Variants in LTBP1 observed in about 807,000 individuals in gnomAD.
LTBP1 encodes latent transforming growth factor beta binding protein 1, also known as latent-transforming growth factor beta-binding protein 1.
Under a neutral mutation model 207.6 loss-of-function variants are expected in LTBP1, and 129 were observed. The observed-to-expected ratio is 0.62, with a 90% confidence interval of 0.54 to 0.72. The LOEUF is 0.72. LTBP1 is among the 30% of genes least tolerant of loss of function. The pLI, the probability that LTBP1 is intolerant of heterozygous loss-of-function variation, is 0.00. For missense variants in LTBP1, 2,281 were observed against 2,217.2 expected, an observed-to-expected ratio of 1.03 and a Z score of -0.58; for synonymous variants, 963 against 833.7, an observed-to-expected ratio of 1.16 and a Z score of -2.67.
At chr2:33,335,055 C>T (rs975607859) in intron 24 of LTBP1, among the ~76,000 whole-genome samples, 1 of 151,766 alleles carries the variant, frequency 6.6e-6, no homozygotes, top group Non-Finnish European at 1.5e-5. Flanking sequence ...CCATGGCACT[C>T]TCTCTCACAG....
At chr2:33,254,389 T>G (rs1195098157) in intron 11 of LTBP1, among the ~76,000 whole-genome samples, 1 of 152,076 alleles carries the variant, frequency 6.6e-6, no homozygotes, top group Non-Finnish European at 1.5e-5. Context: ...AATCCTTACA[T>G]GAAGCATAAA....
At chr2:33,365,698 G>A (rs1168111697) in intron 31 of LTBP1, among the ~76,000 whole-genome samples, 195 bp downstream of exon 31, 6 of 151,272 alleles carry the variant, frequency 4.0e-5, no homozygotes, top group South Asian at 2.1e-4. Context: ...CTCTACTCCC[G>A]ACCCTGTCGT....
intron 7 of LTBP1, among the ~76,000 whole-genome samples, chr2:33,206,462 C>G (rs62146726): frequency 0.42 from 63,261 of 151,742 alleles, 13,956 homozygotes; most frequent in Non-Finnish European, 0.49. Flanking sequence ...CATTGGAGGC[C>G]AGGCACAGTG....
intron 15 of LTBP1, among the ~76,000 whole-genome samples, chr2:33,271,339 T>G (rs761809664): frequency 1.3e-5 from 2 of 152,122 alleles, no homozygotes; most frequent in Non-Finnish European, 2.9e-5. Context: ...TCTTTCTGCT[T>G]TATGAAAATG....
At chr2:33,329,551 C>T (rs926616727) in intron 24 of LTBP1, among the ~76,000 whole-genome samples, 4 of 152,028 alleles carry the variant, frequency 2.6e-5, no homozygotes, top group African/African-American at 9.7e-5. Flanking sequence ...TGTAAGGCCC[C>T]TGAAGTTTTT....
At chr2:32,970,569 C>T (rs1457375809) in intron 2 of LTBP1, among the ~76,000 whole-genome samples, 7 of 151,814 alleles carry the variant, frequency 4.6e-5, no homozygotes, top group Non-Finnish European at 8.8e-5. Flanking sequence ...AGATGGTGGT[C>T]GGTGTGTGGC....
chr2:33,273,165 T>G (rs2093356728), intron 15 of LTBP1, among the ~76,000 whole-genome samples: 1 of 152,146 alleles, frequency 6.6e-6, no homozygotes, highest in African/African-American at 2.4e-5. Flanking sequence ...GGGGGATTAA[T>G]GATAAATTTT....
intron 19 of LTBP1, among the ~76,000 whole-genome samples, chr2:33,286,616 T>G (rs1422906309): frequency 6.6e-6 from 1 of 152,346 alleles, no homozygotes; most frequent in East Asian, 1.9e-4. Context: ...ACTAAGCTAT[T>G]TATTGAGCTG....
chr2:33,382,287 G>T (rs2095225238), intron 31 of LTBP1, among the ~76,000 whole-genome samples: 2 of 151,616 alleles, frequency 1.3e-5, no homozygotes, highest in African/African-American at 2.4e-5. Context: ...TAGAGACGGG[G>T]TTTCACCATA....
chr2:33,136,388 A>C (rs564713092), intron 5 of LTBP1, among the ~76,000 whole-genome samples: 1 of 152,330 alleles, frequency 6.6e-6, no homozygotes, highest in East Asian at 1.9e-4. Flanking sequence ...AGTTTTTCTC[A>C]TTCATAAAAT....
intron 23 of LTBP1, among the ~76,000 whole-genome samples, chr2:33,313,230 T>C (rs1172805793): frequency 6.6e-6 from 1 of 152,238 alleles, no homozygotes; most frequent in African/African-American, 2.4e-5. Context: ...TAAGAAAGTA[T>C]GAGTAATTCC....
In LTBP1 at chr2:33,163,144, G is replaced by C. The variant is rs540156357; in HGVS notation, c.1202-23712G>C. On this transcript the variant is annotated intron_variant, in intron 5 of 33. Coordinates refer to ENST00000404816, the MANE Select transcript of LTBP1 (RefSeq NM_206943.4). ...CTACAGGTGCATGCCACCACGCCTG[G>C]CTAATTGTATTTTTTATAGAAACAG... Among the ~76,000 whole-genome samples, 4 of 152,254 alleles carry C rather than the reference G, an allele frequency of 2.6e-5. No individual in the cohort carries two copies. In the South Asian group the frequency reaches 8.3e-4, roughly 32 times the overall value.
At position 32,947,518 on chromosome 2, in the gene LTBP1, G is replaced by A. The variant is rs984669773; in HGVS notation, c.194G>A (p.Ser65Asn). Reference protein sequence around the residue: ...NVALNARYSRSSAAAGAPSRA... With the variant: ...NVALNARYSRNSAAAGAPSRA... Reference sequence around the variant, plus strand: ...GCGCTCAACGCCAGGTACAGCCGCAGCTCGGCGGCTGCCGGCGCCCCCAGC... The same window carrying A: ...GCGCTCAACGCCAGGTACAGCCGCAACTCGGCGGCTGCCGGCGCCCCCAGC... Residue 65 changes from serine (S) to asparagine (N), a missense_variant, in exon 1 of 34, where the codon AGC becomes AAC. Physicochemically the swap from Ser to Asn is conservative, Grantham distance 46 (BLOSUM62 1). This residue lies in a region of LTBP1 where 555 missense variants were observed against 491.0 expected (regional missense o/e 1.13). Coordinates refer to ENST00000404816, the MANE Select transcript of LTBP1 (RefSeq NM_206943.4). The A allele has an allele frequency of 3.5e-6, 5 of 1,408,714 alleles. No homozygotes were observed. In the African/African-American group the frequency reaches 4.5e-5, roughly 13 times the overall value. 87.3% of individuals were successfully genotyped at this position (1,408,714 alleles called of 1,614,324 possible).
chr2:32,961,774 C>T (rs1194490745), intron 2 of LTBP1, among the ~76,000 whole-genome samples: 1 of 151,896 alleles, frequency 6.6e-6, no homozygotes, highest in Non-Finnish European at 1.5e-5. Context: ...AGTGAAACCC[C>T]GTCTCTACTA....
chr2:33,197,733 C>A (rs1039586164), intron 7 of LTBP1, among the ~76,000 whole-genome samples: 11 of 152,100 alleles, frequency 7.2e-5, no homozygotes, highest in African/African-American at 2.4e-4. Flanking sequence ...TATGAAAAGG[C>A]CTTCTATGGG....
chr2:33,282,135 C>T (rs1271419508), intron 19 of LTBP1, among the ~76,000 whole-genome samples: 1 of 150,736 alleles, frequency 6.6e-6, no homozygotes, highest in East Asian at 1.9e-4. Flanking sequence ...ACTAATTTTA[C>T]TTTGTCAACC....
intron 32 of LTBP1, among the ~76,000 whole-genome samples, chr2:33,389,855 T>C (rs1215537453): frequency 2.6e-5 from 4 of 152,134 alleles, no homozygotes; most frequent in Non-Finnish European, 4.4e-5. Context: ...GGTCAGGCTC[T>C]TCTTGAACTC....
intron 3 of LTBP1, among the ~76,000 whole-genome samples, chr2:33,097,784 A>G (rs1572623424): frequency 6.6e-6 from 1 of 152,166 alleles, no homozygotes; most frequent in African/African-American, 2.4e-5. Flanking sequence ...GTTCCTCCCT[A>G]GCATTGACAG....
At chr2:33,244,681 T>A (rs2092449020) in intron 10 of LTBP1, among the ~76,000 whole-genome samples, 1 of 151,540 alleles carries the variant, frequency 6.6e-6, no homozygotes, top group Non-Finnish European at 1.5e-5. Context: ...CTATGTTGCC[T>A]AGGCTGGACT....
Sources: gnomAD v4.1 joint callset for allele counts (sites outside exome capture counted in the v4.1 genomes callset) on GRCh38, gnomAD v4.1.1 for gene constraint, gnomAD v4.1.1 regional missense constraint, MANE v1.5 for transcripts, NCBI Gene and HGNC (gene_info 2026-07-23, HGNC 2026-07-21) for gene names.